Variants in MCOLN1 observed in about 807,000 individuals in gnomAD.
MCOLN1 encodes mucolipin TRP cation channel 1.
In MCOLN1, 50 loss-of-function variants were observed where a neutral mutation model predicts 70.3. The observed-to-expected ratio is 0.71, with a 90% CI of 0.57 to 0.90. The LOEUF is 0.90. Among genes scored for constraint, MCOLN1 ranks in the 40% least tolerant of loss-of-function variants. MCOLN1 has a pLI of 0.00. For synonymous variants in MCOLN1, 366 were observed against 341.0 expected (o/e 1.07, Z -0.81); for missense variants, 598 against 803.5 (o/e 0.74, Z 3.09).
intron 4 of MCOLN1, chr19:7,527,228 C>T (rs1009640162): frequency 1.3e-5 from 7 of 545,072 alleles, no homozygotes; most frequent in Non-Finnish European, 2.3e-5. Flanking sequence ...GCTATGACCA[C>T]GCTGCTGCAC....
Position 7,526,332 on chromosome 19 carries a change from T to C in MCOLN1, c.238-107T>C, listed in dbSNP as rs1360917846. 4 of 1,335,302 alleles carry C rather than the reference T, an allele frequency of 3.0e-6. No homozygotes were observed. Among genetic ancestry groups the C allele is most frequent in the Non-Finnish European group, 4.3e-6 (4 of 927,756 alleles). 82.7% of individuals were successfully genotyped at this position (1,335,302 alleles called of 1,614,324 possible). A position where few individuals can be genotyped will look rare whatever the true frequency, so the allele number is the denominator to read the frequency against. The stretch of plus-strand genomic sequence containing the variant: ...TTAGCAGGGCCCTGCCCCACCCCAG[T>C]GGACATCTGCAGGGCCCTCCCTGTC... On this transcript the variant is annotated intron_variant, in intron 2 of 13. Coordinates refer to ENST00000264079, the MANE Select transcript of MCOLN1 (RefSeq NM_020533.3). This position sits in a 1 kb window ranked among gnomAD's most constrained non-coding sequence, Gnocchi z 4.6.
rs1366982720 is a variant in MCOLN1 at position 7,525,222 on chromosome 19, C to T, written c.237+56C>T. The T allele has an allele frequency of 6.5e-7, 1 of 1,527,906 alleles. No individual in the cohort carries two copies. Among genetic ancestry groups the T allele is most frequent in the Non-Finnish European group, 9.1e-7 (1 of 1,104,826 alleles). The allele number at this position is 1,527,906 out of a possible 1,614,324, so 94.6% of individuals were successfully genotyped here. On this transcript the variant is annotated intron_variant, in intron 2 of 13. Coordinates refer to ENST00000264079, the MANE Select transcript of MCOLN1 (RefSeq NM_020533.3). The surrounding 1 kb of genome is among the most constrained non-coding windows in gnomAD (Gnocchi z 4.2). ...AAGGCCACCTGTGGCTGCTGTGCTC[C>T]TTGAAGAGAGTCTTAAAGCAGCACT...
At chr19:7,527,786 C>T (rs1271594905) in intron 5 of MCOLN1, 78 bp from the exon 6 acceptor site, 9 of 1,263,150 alleles carry the variant, frequency 7.1e-6, no homozygotes, top group African/African-American at 1.5e-5. Flanking sequence ...AGAGTCAGCA[C>T]GTGGCAGGGG....
Position 7,533,960 on chromosome 19 carries a change from G to A in MCOLN1, c.*165G>A. 1.3e-6 allele frequency: 1 copy of A among 758,080 alleles called. No individual in the cohort carries two copies. The allele number at this position is 758,080 out of a possible 1,614,324, so 47.0% of individuals were successfully genotyped here. ...ACCCTTGGGGGCGGGGAGACTGGGT[G>A]GGGAGGGTGTTGAATAAAAGGGAAA... On this transcript the variant is annotated 3_prime_UTR_variant, in exon 14 of 14. Transcript: ENST00000264079.
Position 7,524,360 on chromosome 19 carries a change from G to C in MCOLN1, c.32-601G>C, listed in dbSNP as rs947142285. Among the ~76,000 whole-genome samples the C allele has an allele frequency of 1.3e-5, 2 of 152,166 alleles. No individual in the cohort carries two copies. The highest frequency in any genetic ancestry group is 2.9e-5 in the Non-Finnish European group (2 of 68,038). On this transcript the variant is annotated intron_variant, in intron 1 of 13. Transcript: ENST00000264079. The surrounding 1 kb of genome is among the most constrained non-coding windows in gnomAD (Gnocchi z 4.1). The stretch of plus-strand genomic sequence containing the variant: ...TATGTTGTCAATTACCTCTTCTCCA[G>C]GTCCTTGGCTTCTGAGAGTGTCAGC...
rs1168767042 is a variant in MCOLN1, at chr19:7,525,116, C to A, written c.187C>A (p.Pro63Thr). The A allele has an allele frequency of 6.2e-7, 1 of 1,614,086 alleles. No homozygotes were observed. The highest frequency in any genetic ancestry group is 8.5e-7 in the Non-Finnish European group (1 of 1,180,052). Residue 63 changes from proline (P) to threonine (T), a missense_variant, in exon 2 of 14, where the codon CCC (proline) becomes ACC (threonine). Around this residue, in one of 3 missense-constraint regions of MCOLN1, gnomAD observed 461 missense variants for 588.4 expected, o/e 0.78. Transcript: ENST00000264079. This position sits in a 1 kb window ranked among gnomAD's most constrained non-coding sequence, Gnocchi z 4.2. ...CDKFRAKGRK[P>T]CKLMLQVVKI... The stretch of plus-strand genomic sequence containing the variant: ...CAAGTTTCGAGCCAAGGGCCGCAAG[C>A]CCTGCAAGCTGATGCTGCAAGTGGT...
chr19:7,533,721 GA>G, intron 13 of MCOLN1, 37 bp from the exon 14 acceptor site: 2 of 1,614,196 alleles, frequency 1.2e-6, no homozygotes, highest in Non-Finnish European at 1.7e-6. Flanking sequence ...GCGAGCCAGA[GA>G]AAACTGACGC....
In MCOLN1 at chr19:7,526,347, C is replaced by T. The variant is rs2022567352; in HGVS notation, c.238-92C>T. ...CCCACCCCAGTGGACATCTGCAGGG[C>T]CCTCCCTGTCCTCTTCCAGGGCCTG... On this transcript the variant is annotated intron_variant, in intron 2 of 13. Transcript: ENST00000264079. The surrounding 1 kb of genome is among the most constrained non-coding windows in gnomAD (Gnocchi z 4.6). 6.7e-7 allele frequency: 1 copy of T among 1,486,744 alleles called. No individual in the cohort carries two copies. Among genetic ancestry groups the T allele is most frequent in the South Asian group, 1.1e-5 (1 of 88,240 alleles). 92.1% of individuals were successfully genotyped at this position (1,486,744 alleles called of 1,614,324 possible). A position where few individuals can be genotyped will look rare whatever the true frequency, so the allele number is the denominator to read the frequency against.
intron 9 of MCOLN1, 50 bp downstream of exon 9, chr19:7,529,020 G>A (rs1253811675): frequency 2.5e-6 from 4 of 1,613,696 alleles, no homozygotes; most frequent in African/African-American, 2.7e-5. Context: ...TGCTGTCAGT[G>A]CCTATCCGGG....
chr19:7,529,506 G>GGGGGGCCCC, intron 10 of MCOLN1, 84 bp from the exon 11 acceptor site: 1 of 280,230 alleles, frequency 3.6e-6, no homozygotes, highest in Non-Finnish European at 6.4e-6. Flanking sequence ...GCAAGGCCCC[G>GGGGGGCCCC]CCCCTCCCAC....
intron 11 of MCOLN1, among the ~76,000 whole-genome samples, chr19:7,530,046 G>A (rs905785939): frequency 1.3e-5 from 2 of 150,306 alleles, no homozygotes; most frequent in African/African-American, 4.9e-5. Context: ...GGCCATTCAC[G>A]TGGGACCCCA....
chr19:7,533,172 A>T (rs1030909046), intron 12 of MCOLN1, among the ~76,000 whole-genome samples: 5 of 152,242 alleles, frequency 3.3e-5, no homozygotes, highest in African/African-American at 1.2e-4. Flanking sequence ...TCAGGTGGGC[A>T]GTCTCAGGCC....
At position 7,528,347 on chromosome 19, in the gene MCOLN1, C is replaced by T. The variant is rs958314539; in HGVS notation, c.877+90C>T. Reference sequence around the variant, plus strand: ...CCCCAGATCAGCGCTGCCTGGGGGCCGTGACCTCCCCAGGAATCCGCTGAG... The same window carrying T: ...CCCCAGATCAGCGCTGCCTGGGGGCTGTGACCTCCCCAGGAATCCGCTGAG... On this transcript the variant is annotated intron_variant, in intron 7 of 13. Coordinates refer to ENST00000264079, the MANE Select transcript of MCOLN1 (RefSeq NM_020533.3). The surrounding 1 kb of genome is among the most constrained non-coding windows in gnomAD (Gnocchi z 4.2). The T allele has an allele frequency of 2.2e-5, 28 of 1,262,886 alleles. No individual in the cohort carries two copies. Among genetic ancestry groups the T allele is most frequent in the African/African-American group, 3.0e-5 (2 of 67,546 alleles). The allele number at this position is 1,262,886 out of a possible 1,614,324, so 78.2% of individuals were successfully genotyped here. A position where few individuals can be genotyped will look rare whatever the true frequency, so the allele number is the denominator to read the frequency against.
chr19:7,525,679 T>A lies in MCOLN1; in HGVS notation c.237+513T>A. 5.4e-6 allele frequency: 1 copy of A among 186,536 alleles called. No individual in the cohort carries two copies. The highest frequency in any genetic ancestry group is 9.5e-5 in the South Asian group (1 of 10,472). The allele number at this position is 186,536 out of a possible 1,614,324, so 11.6% of individuals were successfully genotyped here. On this transcript the variant is annotated intron_variant, in intron 2 of 13. Coordinates refer to ENST00000264079, the MANE Select transcript of MCOLN1 (RefSeq NM_020533.3). The surrounding 1 kb of genome is among the most constrained non-coding windows in gnomAD (Gnocchi z 4.2). ...GTGCTGGGCTCTGGGAACCCCAAGATGAATCAGACCCAGCCACTGCCCTAA... is the reference window on the plus strand; with the variant it reads ...GTGCTGGGCTCTGGGAACCCCAAGAAGAATCAGACCCAGCCACTGCCCTAA...
Position 7,533,568 on chromosome 19 carries a change from A to T in MCOLN1, c.1621A>T (p.Ile541Phe). ...GAEESELQAY[I>F]AQCQDSPTSG... ...AGAGGAGAGCGAGCTGCAGGCCTAC[A>T]TCGCACAGTGCCAGGACAGCCCCAC... Residue 541 changes from isoleucine to phenylalanine, a missense_variant, in exon 13 of 14, where the codon ATC (isoleucine) becomes TTC (phenylalanine). This residue lies in a region of MCOLN1 where 59 missense variants were observed against 58.8 expected (regional missense o/e 1.00). Coordinates refer to ENST00000264079, the MANE Select transcript of MCOLN1 (RefSeq NM_020533.3). The T allele has an allele frequency of 6.2e-7, 1 of 1,612,582 alleles. No individual in the cohort carries two copies. Among genetic ancestry groups the T allele is most frequent in the Non-Finnish European group, 8.5e-7 (1 of 1,179,958 alleles).
At chr19:7,529,263 C>G (rs2022619176) in intron 10 of MCOLN1, 61 bp downstream of exon 10, 1 of 1,453,822 alleles carries the variant, frequency 6.9e-7, no homozygotes, top group African/African-American at 1.4e-5. Context: ...CCAAATAAAT[C>G]CCTACACACG....
In MCOLN1 at chr19:7,526,228, T is replaced by C. The variant is rs984593078; in HGVS notation, c.238-211T>C. 3 of 633,754 alleles carry C rather than the reference T, an allele frequency of 4.7e-6. No homozygotes were observed. Among genetic ancestry groups the C allele is most frequent in the Non-Finnish European group, 5.7e-6 (2 of 352,746 alleles). 39.3% of individuals were successfully genotyped at this position (633,754 alleles called of 1,614,324 possible). On this transcript the variant is annotated intron_variant, in intron 2 of 13. Coordinates refer to ENST00000264079, the MANE Select transcript of MCOLN1 (RefSeq NM_020533.3). This position sits in a 1 kb window ranked among gnomAD's most constrained non-coding sequence, Gnocchi z 4.6. ...GGAGGACACAGTGGTGGGCGTGGCATGGAGCTTATGCCAGGAGGTGGGGTG... is the reference window on the plus strand; with the variant it reads ...GGAGGACACAGTGGTGGGCGTGGCACGGAGCTTATGCCAGGAGGTGGGGTG...
Position 7,528,994 on chromosome 19 carries a change from C to T in MCOLN1, c.1134+24C>T, listed in dbSNP as rs1368378293. 1 of 1,613,864 alleles carries T rather than the reference C, an allele frequency of 6.2e-7. No homozygotes were observed. Among genetic ancestry groups the T allele is most frequent in the Non-Finnish European group, 8.5e-7 (1 of 1,180,000 alleles). ...AGGTGCGTCCTGCCAACACCCTGGG[C>T]CCCAGGTCCCATCCCTGCTGTCAGT... On this transcript the variant is annotated intron_variant, in intron 9 of 13. Coordinates refer to ENST00000264079, the MANE Select transcript of MCOLN1 (RefSeq NM_020533.3). The surrounding 1 kb of genome is among the most constrained non-coding windows in gnomAD (Gnocchi z 4.2).
chr19:7,523,281 T>G (rs2022520852), intron 1 of MCOLN1, among the ~76,000 whole-genome samples: 1 of 152,232 alleles, frequency 6.6e-6, no homozygotes, highest in Non-Finnish European at 1.5e-5. Context: ...GCAGCCTTCT[T>G]AAATTCGGGC....
Sources: gnomAD v4.1 joint callset for allele counts (sites outside exome capture counted in the v4.1 genomes callset) on GRCh38, gnomAD v4.1.1 for gene constraint, gnomAD v4.1.1 regional missense constraint, Gnocchi (gnomAD v3.1) non-coding constraint, MANE v1.5 for transcripts, NCBI Gene and HGNC (gene_info 2026-07-23, HGNC 2026-07-21) for gene names.